GMDS: variants seen among roughly 807,000 people sequenced by gnomAD.
GMDS encodes GDP-mannose 4,6 dehydratase.
Under a neutral mutation model 49.9 loss-of-function variants are expected in GMDS, and 20 were observed. The ratio of observed to expected loss-of-function variants is 0.40; its 90% confidence interval spans 0.28 to 0.58. The LOEUF is 0.58. GMDS is among the 20% of genes least tolerant of loss of function. The pLI is 0.42. For synonymous variants in GMDS, 177 were observed against 178.6 expected (o/e 0.99, Z 0.07); for missense variants, 362 against 481.4 (o/e 0.75, Z 2.32).
chr6:1,950,051 T>TA (rs1369164187), intron 6 of GMDS, among the ~76,000 whole-genome samples: 1 of 152,254 alleles, frequency 6.6e-6, no homozygotes, highest in Admixed American at 6.5e-5. Context: ...CAATATTCAG[T>TA]AATTTTTTAA....
At chr6:1,681,427 C>T (rs548785488) in intron 9 of GMDS, among the ~76,000 whole-genome samples, 19 of 152,274 alleles carry the variant, frequency 1.2e-4, no homozygotes, top group African/African-American at 4.6e-4. Flanking sequence ...GAAAGTGGTC[C>T]TACAGAGGTC....
At chr6:2,023,926 T>C (rs1211964489) in intron 4 of GMDS, among the ~76,000 whole-genome samples, 1 of 152,182 alleles carries the variant, frequency 6.6e-6, no homozygotes, top group Non-Finnish European at 1.5e-5. Flanking sequence ...CAAGGAGACA[T>C]GGTTGAGAAT....
At chr6:2,211,006 T>A (rs1047385700) in intron 1 of GMDS, among the ~76,000 whole-genome samples, 1 of 152,194 alleles carries the variant, frequency 6.6e-6, no homozygotes, top group African/African-American at 2.4e-5. Flanking sequence ...TGTGAAGATG[T>A]GCTTGCTTCT....
rs986006067 is a variant in GMDS, at chr6:2,060,119, C to A, written c.345+55652G>T. ...AGTCATTAAACCACAGAAGGGACAT[C>A]AGTGACACAAACACCCATGTTTGAT... On this transcript the variant is annotated intron_variant, in intron 4 of 10. Coordinates refer to ENST00000380815, the MANE Select transcript of GMDS (RefSeq NM_001500.4). Among the ~76,000 whole-genome samples the A allele has an allele frequency of 2.6e-5, 4 of 152,108 alleles. No homozygotes were observed. The East Asian group carries it at 5.8e-4, about 22-fold the overall frequency.
Position 1,648,587 on chromosome 6 carries a change from G to A in GMDS, c.988-24047C>T, listed in dbSNP as rs185042065. Among the ~76,000 whole-genome samples, 378 of 152,338 alleles carry A rather than the reference G, an allele frequency of 2.5e-3. 1 individual carries two copies. The highest frequency in any genetic ancestry group is 8.5e-3 in the African/African-American group (353 of 41,566). On this transcript the variant is annotated intron_variant, in intron 9 of 10. Transcript: ENST00000380815. ...CATTTTGAACACGTAAAGAATATGC[G>A]ATGAAGTCTTCCTCTGCACACAAAA...
intron 1 of GMDS, among the ~76,000 whole-genome samples, chr6:2,221,854 AAAG>A (rs1388157477): frequency 1.3e-5 from 2 of 152,234 alleles, no homozygotes; most frequent in Non-Finnish European, 2.9e-5. Context: ...AAAAGAAGAA[AAAG>A]AAGACAATCT....
intron 6 of GMDS, among the ~76,000 whole-genome samples, chr6:1,959,504 C>A (rs1273802250): frequency 6.6e-6 from 1 of 152,184 alleles, no homozygotes; most frequent in Non-Finnish European, 1.5e-5. Context: ...CAGATTGAGT[C>A]TATTTGAATA....
At chr6:2,201,336 T>C (rs538237861) in intron 1 of GMDS, among the ~76,000 whole-genome samples, 1 of 127,940 alleles carries the variant, frequency 7.8e-6, no homozygotes, top group African/African-American at 3.1e-5. Context: ...GAGGGCAGCA[T>C]GTTAGCAGAG....
At chr6:2,236,516 A>G (rs1339707115) in intron 1 of GMDS, among the ~76,000 whole-genome samples, 3 of 152,216 alleles carry the variant, frequency 2.0e-5, no homozygotes, top group African/African-American at 4.8e-5. Flanking sequence ...CAAAGCTTCC[A>G]TTTTGAAGGA....
intron 9 of GMDS, among the ~76,000 whole-genome samples, chr6:1,695,906 G>C (rs76549756): frequency 2.5e-5 from 2 of 80,352 alleles, no homozygotes; most frequent in East Asian, 1.2e-3. Context: ...TTTCTGTCTT[G>C]GTTTTTTTTT....
intron 9 of GMDS, among the ~76,000 whole-genome samples, chr6:1,670,097 G>A (rs1033115865): frequency 2.6e-5 from 4 of 151,872 alleles, no homozygotes; most frequent in African/African-American, 7.3e-5. Flanking sequence ...AACCCATCAC[G>A]TCTCCTGGAA....
At chr6:1,946,209 A>G (rs1221605429) in intron 6 of GMDS, among the ~76,000 whole-genome samples, 1 of 152,230 alleles carries the variant, frequency 6.6e-6, no homozygotes, top group Non-Finnish European at 1.5e-5. Flanking sequence ...AAGGCAGCTA[A>G]TGTAACTGGA....
intron 1 of GMDS, among the ~76,000 whole-genome samples, chr6:2,209,549 A>T (rs1206927102): frequency 6.8e-6 from 1 of 146,258 alleles, no homozygotes; most frequent in Non-Finnish European, 1.5e-5. Flanking sequence ...TATCTCTAAT[A>T]CACATACATA....
chr6:1,696,632 T>C (rs12191716), intron 9 of GMDS, among the ~76,000 whole-genome samples: 38,024 of 152,164 alleles, frequency 0.25, 5,344 homozygotes, highest in Non-Finnish European at 0.31. Flanking sequence ...AGGCAGACAT[T>C]ATGATGTCCA....
At chr6:1,984,678 C>T (rs983136432) in intron 4 of GMDS, among the ~76,000 whole-genome samples, 3 of 152,190 alleles carry the variant, frequency 2.0e-5, no homozygotes, top group Non-Finnish European at 4.4e-5. Context: ...CTCCATGCTA[C>T]CAAAATTATC....
Position 1,742,480 on chromosome 6 carries a change from C to T in GMDS, c.878G>A (p.Gly293Glu). The stretch of plus-strand genomic sequence containing the variant: ...CAGGTATACTTACACAATGGTTTTT[C>T]CAATGTGCAAGAATGATTTCTCGAC... ...EFVEKSFLHI[G>E]KTIVWEGKNE... The change falls in exon 8 of 11, where the codon GGA becomes GAA. Residue 293 changes from glycine (G) to glutamate (E), a missense_variant. Transcript: ENST00000380815. 1 of 1,590,482 alleles carries T rather than the reference C, an allele frequency of 6.3e-7. No homozygotes were observed. Among genetic ancestry groups the T allele is most frequent in the Non-Finnish European group, 8.6e-7 (1 of 1,158,882 alleles).
chr6:2,103,473 G>C (rs1270622773), intron 4 of GMDS, among the ~76,000 whole-genome samples: 2 of 152,040 alleles, frequency 1.3e-5, no homozygotes, highest in African/African-American at 4.8e-5. Context: ...AAATTCCTGA[G>C]AGTAGACCAG....
At chr6:2,188,031 C>A (rs1404922294) in intron 1 of GMDS, among the ~76,000 whole-genome samples, 5 of 152,208 alleles carry the variant, frequency 3.3e-5, no homozygotes, top group Non-Finnish European at 7.3e-5. Context: ...AGCACACTAA[C>A]CCAGGTCTGT....
At chr6:2,187,568 T>C (rs1778832733) in intron 1 of GMDS, among the ~76,000 whole-genome samples, 1 of 152,184 alleles carries the variant, frequency 6.6e-6, no homozygotes, top group African/African-American at 2.4e-5. Context: ...TAATCCACCA[T>C]GAGATCCTAT....
Sources: allele counts gnomAD v4.1 joint callset (sites outside exome capture counted in the v4.1 genomes callset), GRCh38; gene constraint gnomAD v4.1.1; transcripts MANE v1.5; gene names NCBI Gene and HGNC (gene_info 2026-07-23, HGNC 2026-07-21).